Variants in ZFPM2 observed in about 807,000 individuals in gnomAD.
ZFPM2 encodes zinc finger protein ZFPM2.
Under a neutral mutation model 98.6 loss-of-function variants are expected in ZFPM2, and 20 were observed. The observed-to-expected ratio is 0.20, with a 90% CI of 0.14 to 0.29. The LOEUF is 0.29. Ranked by LOEUF, ZFPM2 falls within the 10% of genes least tolerant of loss-of-function variation. The pLI is 1.00. For synonymous variants in ZFPM2, 518 were observed against 502.7 expected (o/e 1.03, Z -0.41); for missense variants, 1,310 against 1,388.6 (o/e 0.94, Z 0.90).
At chr8:105,532,695 A>G (rs367731397) in intron 3 of ZFPM2, among the ~76,000 whole-genome samples, 10 of 152,176 alleles carry the variant, frequency 6.6e-5, no homozygotes, top group African/African-American at 2.4e-4. Flanking sequence ...TTTGTTTTAC[A>G]TGTAGTGATT....
At chr8:105,320,033 T>A (rs1422776061) in intron 1 of ZFPM2, among the ~76,000 whole-genome samples, 1 of 152,202 alleles carries the variant, frequency 6.6e-6, no homozygotes, top group East Asian at 1.9e-4. Context: ...TGTTTCACCG[T>A]GTTGCTCAGA....
At chr8:105,508,039 G>C (rs752922899) in intron 3 of ZFPM2, among the ~76,000 whole-genome samples, 5 of 152,144 alleles carry the variant, frequency 3.3e-5, no homozygotes, top group Non-Finnish European at 5.9e-5. Context: ...GCCAAGGAAA[G>C]AAAAGGTCTT....
intron 5 of ZFPM2, among the ~76,000 whole-genome samples, chr8:105,690,707 G>C (rs1810859630): frequency 6.6e-6 from 1 of 152,018 alleles, no homozygotes; most frequent in Admixed American, 6.6e-5. Context: ...CAAATCCCCA[G>C]GGTTATGTCT....
intron 7 of ZFPM2, among the ~76,000 whole-genome samples, chr8:105,800,488 C>T (rs1419216828): frequency 6.6e-6 from 1 of 151,950 alleles, no homozygotes; most frequent in African/African-American, 2.4e-5. Context: ...AGCAAAACTA[C>T]TGCATAAAAT....
intron 1 of ZFPM2, among the ~76,000 whole-genome samples, chr8:105,399,476 C>T (rs987411494): frequency 1.3e-5 from 2 of 152,152 alleles, no homozygotes; most frequent in African/African-American, 2.4e-5. Context: ...TACGACTCCT[C>T]ACTTTGGGGC....
At chr8:105,629,497 T>A (rs1816718461) in intron 4 of ZFPM2, among the ~76,000 whole-genome samples, 1 of 152,222 alleles carries the variant, frequency 6.6e-6, no homozygotes, top group African/African-American at 2.4e-5. Context: ...TTTCTATTGC[T>A]GCTGAAACAC....
intron 5 of ZFPM2, among the ~76,000 whole-genome samples, chr8:105,655,634 A>G (rs1817270696): frequency 6.6e-6 from 1 of 152,190 alleles, no homozygotes; most frequent in Non-Finnish European, 1.5e-5. Flanking sequence ...GTCATCATTA[A>G]AACGCTTTAT....
chr8:105,403,835 C>T (rs1436508524), intron 1 of ZFPM2, among the ~76,000 whole-genome samples: 4 of 151,986 alleles, frequency 2.6e-5, no homozygotes, highest in African/African-American at 9.7e-5. Context: ...AGCGTGATTC[C>T]TGGCCAGGCA....
chr8:105,785,376 G>A (rs1343394237), intron 5 of ZFPM2, among the ~76,000 whole-genome samples: 1 of 149,260 alleles, frequency 6.7e-6, no homozygotes, highest in Admixed American at 6.6e-5. Flanking sequence ...ACAGACAAAA[G>A]TGTAAGTCAC....
chr8:105,411,299 A>G (rs1462801794), intron 1 of ZFPM2, among the ~76,000 whole-genome samples: 1 of 151,788 alleles, frequency 6.6e-6, no homozygotes, highest in Non-Finnish European at 1.5e-5. Flanking sequence ...CTAGGATATT[A>G]TATGAGAAGC....
chr8:105,384,948 C>G (rs1375380268), intron 1 of ZFPM2, among the ~76,000 whole-genome samples: 2 of 152,140 alleles, frequency 1.3e-5, no homozygotes, highest in African/African-American at 4.8e-5. Flanking sequence ...TGTGTAGTGA[C>G]TAACAAAAGT....
At chr8:105,325,024 C>A (rs1812089659) in intron 1 of ZFPM2, among the ~76,000 whole-genome samples, 2 of 151,794 alleles carry the variant, frequency 1.3e-5, no homozygotes, top group South Asian at 4.1e-4. Context: ...AAGTCATATT[C>A]CCTTGGATTC....
At chr8:105,587,106 C>T (rs1366039796) in intron 4 of ZFPM2, among the ~76,000 whole-genome samples, 1 of 151,220 alleles carries the variant, frequency 6.6e-6, no homozygotes, top group Non-Finnish European at 1.5e-5. Flanking sequence ...GAAACCCCGT[C>T]TCTACTAAAA....
At chr8:105,447,316 CA>C (rs1020284993) in intron 3 of ZFPM2, among the ~76,000 whole-genome samples, 72 of 134,200 alleles carry the variant, frequency 5.4e-4, no homozygotes, top group African/African-American at 9.2e-4. Context: ...GGAAGTTTGG[CA>C]AAAAAAAAAA....
At chr8:105,426,650 C>T (rs969197441) in intron 2 of ZFPM2, among the ~76,000 whole-genome samples, 11 of 152,018 alleles carry the variant, frequency 7.2e-5, no homozygotes, top group African/African-American at 2.7e-4. Context: ...TGTAAAATTA[C>T]AGGCTAGTGT....
At chr8:105,763,542 T>C (rs1812784510) in intron 5 of ZFPM2, among the ~76,000 whole-genome samples, 1 of 151,870 alleles carries the variant, frequency 6.6e-6, no homozygotes, top group Admixed American at 6.6e-5. Flanking sequence ...CTAACATTTT[T>C]GAAGTGACTA....
chr8:105,694,674 C>T (rs1311104630), intron 5 of ZFPM2, among the ~76,000 whole-genome samples: 3 of 152,142 alleles, frequency 2.0e-5, no homozygotes, highest in African/African-American at 7.2e-5. Context: ...TACTCAATGT[C>T]TTTAGGTCCT....
intron 5 of ZFPM2, among the ~76,000 whole-genome samples, chr8:105,776,384 A>C (rs971683697): frequency 2.0e-5 from 3 of 152,222 alleles, no homozygotes; most frequent in Admixed American, 6.5e-5. Context: ...AAAGGATATA[A>C]TATTTGAAAT....
rs1367703388 is a variant in ZFPM2 at position 105,801,939 on chromosome 8, A to T, written c.1857A>T (p.Pro619=). 6.2e-7 allele frequency: 1 copy of T among 1,613,846 alleles called. No homozygotes were observed. The highest frequency in any genetic ancestry group is 8.5e-7 in the Non-Finnish European group (1 of 1,179,858). ...PAAHSADPEN[P]LLQTSCINSS... The stretch of plus-strand genomic sequence containing the variant: ...CTCATTCTGCTGATCCTGAGAATCC[A>T]CTTCTTCAAACATCTTGCATCAATT... The change falls in exon 8 of 8, where the codon CCA becomes CCT. Residue 619 remains proline (P), a synonymous_variant. Coordinates refer to ENST00000407775, the MANE Select transcript of ZFPM2 (RefSeq NM_012082.4).
Sources: allele counts gnomAD v4.1 joint callset (sites outside exome capture counted in the v4.1 genomes callset), GRCh38; gene constraint gnomAD v4.1.1; transcripts MANE v1.5; gene names NCBI Gene and HGNC (gene_info 2026-07-23, HGNC 2026-07-21).